The following WLS variants were observed in gnomAD, a reference collection of about 807,000 sequenced individuals.
WLS encodes the protein Wnt ligand secretion mediator.
A neutral mutation model predicts 62.8 loss-of-function variants in WLS; 23 were observed. The observed-to-expected ratio is 0.37, with a 90% CI of 0.26 to 0.52. The LOEUF is 0.52. Among genes scored for constraint, WLS ranks in the 20% least tolerant of loss-of-function variants. WLS has a pLI of 0.92. For synonymous variants in WLS, 246 were observed against 244.1 expected (o/e 1.01, Z -0.07); for missense variants, 615 against 697.3 (o/e 0.88, Z 1.33).
At chr1:68,166,156 C>T (rs1647056970) in intron 2 of WLS, among the ~76,000 whole-genome samples, 1 of 152,168 alleles carries the variant, frequency 6.6e-6, no homozygotes, top group African/African-American at 2.4e-5. Flanking sequence ...ATTTAATGTT[C>T]CCAACAATTC....
chr1:68,170,712 C>A (rs921392175), intron 2 of WLS, among the ~76,000 whole-genome samples: 1 of 65,380 alleles, frequency 1.5e-5, no homozygotes, highest in Admixed American at 1.5e-4. Flanking sequence ...AATATGGCAC[C>A]CCCCCCTTGC....
At chr1:68,106,151 C>G (rs1034646642) in intron 11 of WLS, among the ~76,000 whole-genome samples, 1 of 152,086 alleles carries the variant, frequency 6.6e-6, no homozygotes, top group African/African-American at 2.4e-5. Flanking sequence ...TAGCAATGCT[C>G]TATATTTAAG....
At chr1:68,228,113 A>G (rs12566109) in intron 1 of WLS, 41,242 of 352,768 alleles carry the variant, frequency 0.12, 3,441 homozygotes, top group East Asian at 0.38. Flanking sequence ...AGTATACATT[A>G]CATCCTCAAC....
rs527328342 is a variant in WLS, at chr1:68,197,091, T to C, written c.107-2864A>G. Reference sequence around the variant, plus strand: ...AATGAACCTAACCTTTTTTTCTTTATTTTTTACCTTCTTGAAAAACAAGTC... The same window carrying C: ...AATGAACCTAACCTTTTTTTCTTTACTTTTTACCTTCTTGAAAAACAAGTC... On this transcript the variant is annotated intron_variant, in intron 1 of 11. Transcript: ENST00000262348. Among the ~76,000 whole-genome samples, 3 of 152,280 alleles carry C rather than the reference T, an allele frequency of 2.0e-5. No individual in the cohort carries two copies. In the South Asian group the frequency reaches 6.2e-4, roughly 32 times the overall value.
intron 11 of WLS, among the ~76,000 whole-genome samples, chr1:68,105,059 C>T (rs950685990): frequency 6.6e-6 from 1 of 152,216 alleles, no homozygotes; most frequent in African/African-American, 2.4e-5. Context: ...CTCTTCAGCT[C>T]TAATTTATCC....
At chr1:68,118,502 C>T (rs78826997) in intron 11 of WLS, among the ~76,000 whole-genome samples, 2,435 of 152,254 alleles carry the variant, frequency 0.016, 39 homozygotes, top group Non-Finnish European at 0.024. Flanking sequence ...TGCCTCCTCC[C>T]TCCCGCCTTC....
intron 1 of WLS, among the ~76,000 whole-genome samples, chr1:68,209,781 C>CAA (rs941116425): frequency 7.9e-6 from 1 of 127,028 alleles, no homozygotes; most frequent in African/African-American, 2.9e-5. Flanking sequence ...AACTCCGTTT[C>CAA]AAAAAAAAAA....
At chr1:68,115,389 C>T (rs576230612) in intron 11 of WLS, among the ~76,000 whole-genome samples, 14 of 152,336 alleles carry the variant, frequency 9.2e-5, no homozygotes, top group African/African-American at 2.6e-4. Context: ...ACTAGGAATT[C>T]GCCATTCTTC....
chr1:68,137,182 G>A (rs1646622477), intron 11 of WLS, among the ~76,000 whole-genome samples: 1 of 152,124 alleles, frequency 6.6e-6, no homozygotes, highest in African/African-American at 2.4e-5. Flanking sequence ...TAAAATGACT[G>A]GATTCTCTAA....
chr1:68,147,775 C>A (rs1646771601), intron 8 of WLS, among the ~76,000 whole-genome samples: 1 of 152,188 alleles, frequency 6.6e-6, no homozygotes, highest in Non-Finnish European at 1.5e-5. Flanking sequence ...CAGAAACAGG[C>A]TCTTCCACAG....
At chr1:68,209,720 G>A (rs1188077702) in intron 1 of WLS, among the ~76,000 whole-genome samples, 5 of 152,118 alleles carry the variant, frequency 3.3e-5, no homozygotes, top group African/African-American at 1.2e-4. Flanking sequence ...AGCGGAGGTT[G>A]CGGTGAGCCA....
chr1:68,141,484 C>T (rs1646685463), intron 10 of WLS: 1 of 152,172 alleles, frequency 6.6e-6, no homozygotes, highest in Non-Finnish European at 1.5e-5. Context: ...ATGACTGAGG[C>T]CATTAAAATG....
chr1:68,146,343 A>T (rs756698070), intron 8 of WLS, among the ~76,000 whole-genome samples: 4 of 152,184 alleles, frequency 2.6e-5, no homozygotes, highest in African/African-American at 4.8e-5. Flanking sequence ...GGAGATCCGT[A>T]TACACAATAA....
At chr1:68,224,199 TAAGGAG>T (rs1650046682) in intron 1 of WLS, among the ~76,000 whole-genome samples, 1 of 152,080 alleles carries the variant, frequency 6.6e-6, no homozygotes. Context: ...AATGGAGTAC[TAAGGAG>T]AAAGGGGGAG....
chr1:68,195,667 A>G (rs1178222485), intron 1 of WLS, among the ~76,000 whole-genome samples: 4 of 152,222 alleles, frequency 2.6e-5, no homozygotes, highest in East Asian at 1.9e-4. Context: ...GTTTATGCAC[A>G]TTTAAATAGA....
intron 2 of WLS, among the ~76,000 whole-genome samples, chr1:68,164,208 T>G (rs963709245): frequency 1.4e-4 from 21 of 151,674 alleles, no homozygotes; most frequent in African/African-American, 5.1e-4. Flanking sequence ...CAAAAGATAT[T>G]AAATCACAAG....
At chr1:68,191,812 T>G (rs1648322022) in intron 2 of WLS, among the ~76,000 whole-genome samples, 1 of 152,156 alleles carries the variant, frequency 6.6e-6, no homozygotes, top group Admixed American at 6.5e-5. Context: ...TATAGAATGC[T>G]CTTTCTTTTG....
In WLS at chr1:68,159,101, C is replaced by G. The variant is rs759461613; in HGVS notation, c.504+22G>C. 8.1e-6 allele frequency: 13 copies of G among 1,612,332 alleles called. No individual in the cohort carries two copies. The Admixed American group carries it at 1.0e-4, about 12-fold the overall frequency. ...CTGAGAACCAAATAAAAACTGTCAGCTTAGACAGCAAGGGGTCATACCTTG... is the reference window on the plus strand; with the variant it reads ...CTGAGAACCAAATAAAAACTGTCAGGTTAGACAGCAAGGGGTCATACCTTG... On this transcript the variant is annotated intron_variant, in intron 3 of 11. Transcript: ENST00000262348.
chr1:68,206,252 G>A (rs552105951), intron 1 of WLS, among the ~76,000 whole-genome samples: 14 of 152,256 alleles, frequency 9.2e-5, no homozygotes, highest in African/African-American at 2.9e-4. Context: ...TTAAAAGGGG[G>A]GTTTAGTATG....
Sources: allele counts gnomAD v4.1 joint callset (sites outside exome capture counted in the v4.1 genomes callset), GRCh38; gene constraint gnomAD v4.1.1; transcripts MANE v1.5; gene names NCBI Gene and HGNC (gene_info 2026-07-23, HGNC 2026-07-21).